TNFRSF8: variants seen among roughly 807,000 people sequenced by gnomAD.
TNFRSF8 encodes the protein tumor necrosis factor receptor superfamily member 8.
A neutral mutation model predicts 70.8 loss-of-function variants in TNFRSF8; 26 were observed. The ratio of observed to expected loss-of-function variants is 0.37; its 90% CI spans 0.27 to 0.51. The LOEUF (loss-of-function observed/expected upper bound fraction) is 0.51, where lower values mean the gene tolerates loss of function less well. Ranked by LOEUF, TNFRSF8 falls within the 20% of genes least tolerant of loss-of-function variation. The pLI is 0.94. For synonymous variants in TNFRSF8, 356 were observed against 339.2 expected (o/e 1.05, Z -0.54); for missense variants, 720 against 807.9 (o/e 0.89, Z 1.32).
At chr1:12,085,805 A>T (rs893768457) in intron 2 of TNFRSF8, among the ~76,000 whole-genome samples, 2 of 152,190 alleles carry the variant, frequency 1.3e-5, no homozygotes, top group Non-Finnish European at 1.5e-5. Flanking sequence ...GTCATGAGGC[A>T]TTTCTGCCCC....
chr1:12,111,136 G>C (rs531208754), intron 6 of TNFRSF8, among the ~76,000 whole-genome samples: 1 of 151,920 alleles, frequency 6.6e-6, no homozygotes, highest in African/African-American at 2.4e-5. Flanking sequence ...ACCTTCTCCC[G>C]CTCCATGGCT....
chr1:12,084,674 T>G (rs961809950), intron 2 of TNFRSF8, 123 bp downstream of exon 2: 1 of 909,976 alleles, frequency 1.1e-6, no homozygotes, highest in African/African-American at 1.6e-5. Context: ...GGCTACAGTT[T>G]TCTGCAGGTC....
chr1:12,126,971 C>T (rs1641952965), intron 12 of TNFRSF8, among the ~76,000 whole-genome samples: 1 of 152,202 alleles, frequency 6.6e-6, no homozygotes, highest in African/African-American at 2.4e-5. Context: ...TGCTTCTGAC[C>T]CCCTCCCTGG....
intron 12 of TNFRSF8, among the ~76,000 whole-genome samples, chr1:12,134,410 C>T (rs1642108231): frequency 6.6e-6 from 1 of 152,134 alleles, no homozygotes; most frequent in Admixed American, 6.5e-5. Flanking sequence ...GCCCGGATGC[C>T]CTCTCACCTT....
Position 12,124,616 on chromosome 1 carries a change from G to A in TNFRSF8, c.1153+789G>A, listed in dbSNP as rs138230814. Among the ~76,000 whole-genome samples the A allele has an allele frequency of 7.9e-3, 1,196 of 152,112 alleles. 18 individuals carry two copies. The highest frequency in any genetic ancestry group is 0.028 in the African/African-American group (1,152 of 41,506). On this transcript the variant is annotated intron_variant, in intron 10 of 14. Coordinates refer to ENST00000263932, the MANE Select transcript of TNFRSF8 (RefSeq NM_001243.5). ...AGGTGGGTGGATCACGAGGTCAGGA[G>A]TTTGAGACCAGCCTGGCCAACACGA...
In TNFRSF8 at chr1:12,108,347, G is replaced by C. The variant is rs996646074; in HGVS notation, c.422-1219G>C. 6.6e-6 allele frequency among the ~76,000 whole-genome samples: 1 copy of C among 151,882 alleles called. No homozygotes were observed. The highest frequency in any genetic ancestry group is 2.4e-5 in the African/African-American group (1 of 41,338). On this transcript the variant is annotated intron_variant, in intron 4 of 14. Coordinates refer to ENST00000263932, the MANE Select transcript of TNFRSF8 (RefSeq NM_001243.5). The surrounding 1 kb of genome is among the most constrained non-coding windows in gnomAD (Gnocchi z 4.0). ...CCCACCTCGGCCTCCCAAAGTGTTG[G>C]GATTACAGGTGTGAGCCACCGTGCC...
At chr1:12,064,783 G>C (rs1640708852) in intron 1 of TNFRSF8, among the ~76,000 whole-genome samples, 1 of 152,212 alleles carries the variant, frequency 6.6e-6, no homozygotes, top group Admixed American at 6.5e-5. Flanking sequence ...CCCCCCAAGA[G>C]GGCAGAGGGG....
rs1411741799 is a variant in TNFRSF8 at position 12,093,600 on chromosome 1, G to T, written c.152-3501G>T. Among the ~76,000 whole-genome samples the T allele has an allele frequency of 2.6e-5, 4 of 152,036 alleles. No homozygotes were observed. In the East Asian group the frequency reaches 5.8e-4, roughly 22 times the overall value. ...TCGTTGTCCAGGCTGGGGTGCAGTGGCGCTATGCCCGCTCACTGCAACCTC... is the reference window on the plus strand; with the variant it reads ...TCGTTGTCCAGGCTGGGGTGCAGTGTCGCTATGCCCGCTCACTGCAACCTC... On this transcript the variant is annotated intron_variant, in intron 2 of 14. Coordinates refer to ENST00000263932, the MANE Select transcript of TNFRSF8 (RefSeq NM_001243.5).
At position 12,138,098 on chromosome 1, in the gene TNFRSF8, T is replaced by G; in HGVS notation, c.1336-131T>G. The G allele has an allele frequency of 1.1e-6, 1 of 892,516 alleles. No homozygotes were observed. Among genetic ancestry groups the G allele is most frequent in the Non-Finnish European group, 1.7e-6 (1 of 597,556 alleles). 55.3% of individuals were successfully genotyped at this position (892,516 alleles called of 1,614,324 possible). Reference sequence around the variant, plus strand: ...AAGCTGAGAAGCCCGGGGCAGCTCATGGCAGCTTTTAAAGCAGAAAGGGGG... The same window carrying G: ...AAGCTGAGAAGCCCGGGGCAGCTCAGGGCAGCTTTTAAAGCAGAAAGGGGG... On this transcript the variant is annotated intron_variant, in intron 13 of 14. Transcript: ENST00000263932. The surrounding 1 kb of genome is among the most constrained non-coding windows in gnomAD (Gnocchi z 5.7).
intron 2 of TNFRSF8, 24 bp from the exon 3 acceptor site, chr1:12,097,077 G>A (rs772816630): frequency 6.2e-7 from 1 of 1,601,746 alleles, no homozygotes; most frequent in Admixed American, 1.7e-5. Context: ...GCCTGGCTTG[G>A]AGCTTCTCTG....
At chr1:12,073,734 C>T (rs935653407) in intron 1 of TNFRSF8, among the ~76,000 whole-genome samples, 3 of 151,678 alleles carry the variant, frequency 2.0e-5, no homozygotes, top group South Asian at 2.1e-4. Context: ...GCTGGGATTA[C>T]AGGCGCCCAC....
At chr1:12,085,184 C>T in intron 2 of TNFRSF8, among the ~76,000 whole-genome samples, 1 of 152,154 alleles carries the variant, frequency 6.6e-6, no homozygotes, top group East Asian at 1.9e-4. Context: ...AATCTCGGCT[C>T]ACTGCAACCT....
At chr1:12,123,660 G>T in intron 9 of TNFRSF8, 55 bp from the exon 10 acceptor site, 1 of 1,425,408 alleles carries the variant, frequency 7.0e-7, no homozygotes, top group South Asian at 1.2e-5. Context: ...TATTCCTGAA[G>T]ACCCACTTCC....
intron 4 of TNFRSF8, among the ~76,000 whole-genome samples, chr1:12,106,398 C>T (rs553368999): frequency 2.2e-4 from 34 of 152,316 alleles, no homozygotes; most frequent in African/African-American, 8.2e-4. Flanking sequence ...CCTGGCCTCT[C>T]ACTAGGGAAG....
intron 1 of TNFRSF8, among the ~76,000 whole-genome samples, chr1:12,072,402 G>T (rs1640864066): frequency 6.6e-6 from 1 of 152,020 alleles, no homozygotes; most frequent in African/African-American, 2.4e-5. Context: ...GGGCCTGCGG[G>T]AGTCCAGAGG....
In TNFRSF8 at chr1:12,142,451, G is replaced by A. The variant is rs1287580507; in HGVS notation, c.1708G>A (p.Gly570Ser). ...CGAGCAGGAGACAGAACCGCCTCTG[G>A]GCAGCTGCAGCGATGTCATGCTCTC... The part of the protein sequence containing the change: ...YPEQETEPPL[G>S]SCSDVMLSVE... The change falls in exon 15 of 15, where the codon GGC becomes AGC. Residue 570 changes from glycine (G) to serine (S), a missense_variant. Gly to Ser is a moderately conservative substitution (Grantham distance 56, BLOSUM62 0). Coordinates refer to ENST00000263932, the MANE Select transcript of TNFRSF8 (RefSeq NM_001243.5). The surrounding 1 kb of genome is among the most constrained non-coding windows in gnomAD (Gnocchi z 5.0). 6.2e-7 allele frequency: 1 copy of A among 1,612,352 alleles called. No homozygotes were observed. The highest frequency in any genetic ancestry group is 8.5e-7 in the Non-Finnish European group (1 of 1,179,390).
At position 12,109,607 on chromosome 1, in the gene TNFRSF8, G is replaced by T. The variant is rs1314443929; in HGVS notation, c.463G>T (p.Gly155Trp). ...KNTVCEPASP[G>W]VSPACASPEN... ...CACGGTCTGTGAGCCGGCTTCCCCAGGGGTCAGCCCTGCCTGTGCCAGCCC... is the reference window on the plus strand; with the variant it reads ...CACGGTCTGTGAGCCGGCTTCCCCATGGGTCAGCCCTGCCTGTGCCAGCCC... Residue 155 changes from glycine to tryptophan, a missense_variant, in exon 5 of 15, where the codon GGG (glycine) becomes TGG (tryptophan). Gly to Trp is a radical substitution (Grantham distance 184). Transcript: ENST00000263932. The surrounding 1 kb of genome is among the most constrained non-coding windows in gnomAD (Gnocchi z 4.4). 1 of 1,613,598 alleles carries T rather than the reference G, an allele frequency of 6.2e-7. No individual in the cohort carries two copies. Among genetic ancestry groups the T allele is most frequent in the Non-Finnish European group, 8.5e-7 (1 of 1,179,952 alleles).
intron 12 of TNFRSF8, among the ~76,000 whole-genome samples, chr1:12,132,929 A>G (rs908065537): frequency 9.2e-5 from 14 of 151,900 alleles, no homozygotes; most frequent in South Asian, 4.2e-4. Flanking sequence ...ACAAGCCCCA[A>G]AGTTGATGTG....
intron 1 of TNFRSF8, among the ~76,000 whole-genome samples, chr1:12,073,513 CTTCT>C (rs1338451788): frequency 2.7e-5 from 4 of 150,668 alleles, no homozygotes; most frequent in African/African-American, 9.8e-5. Flanking sequence ...CCCTCCTTCT[CTTCT>C]TTCTTTCTCC....
Sources: gnomAD v4.1 joint callset for allele counts (sites outside exome capture counted in the v4.1 genomes callset) on GRCh38, gnomAD v4.1.1 for gene constraint, Gnocchi (gnomAD v3.1) non-coding constraint, MANE v1.5 for transcripts, NCBI Gene and HGNC (gene_info 2026-07-23, HGNC 2026-07-21) for gene names.